Variants in DPYD observed in about 807,000 individuals in gnomAD.
DPYD encodes dihydropyrimidine dehydrogenase [NADP(+)].
Under a neutral mutation model 116.2 loss-of-function variants are expected in DPYD, and 109 were observed. That is an observed-to-expected ratio of 0.94 (90% CI 0.80 to 1.10). DPYD has a LOEUF of 1.10. Among genes scored for constraint, DPYD ranks in the 50% least tolerant of loss-of-function variants. DPYD has a pLI of 0.00. For missense variants in DPYD, 1,302 were observed against 1,254.5 expected, an observed-to-expected ratio of 1.04 and a Z score of -0.57; for synonymous variants, 440 against 432.0, an observed-to-expected ratio of 1.02 and a Z score of -0.23.
intron 3 of DPYD, among the ~76,000 whole-genome samples, chr1:97,757,633 C>T (rs1052660623): frequency 6.6e-6 from 1 of 152,052 alleles, no homozygotes; most frequent in South Asian, 2.1e-4. Context: ...GGTAATTTAC[C>T]TCCCATTACT....
At chr1:97,423,333 T>A (rs1674683068) in intron 14 of DPYD, among the ~76,000 whole-genome samples, 1 of 152,066 alleles carries the variant, frequency 6.6e-6, no homozygotes, top group Non-Finnish European at 1.5e-5. Context: ...TCTGTCTGGT[T>A]CATAGTCTGG....
chr1:97,227,178 A>G (rs1485169416), intron 19 of DPYD, among the ~76,000 whole-genome samples: 2 of 151,744 alleles, frequency 1.3e-5, no homozygotes, highest in Non-Finnish European at 2.9e-5. Flanking sequence ...TACAAAAATT[A>G]GCTGGATGTG....
intron 8 of DPYD, 119 bp from the exon 9 acceptor site, chr1:97,595,285 T>C: frequency 1.4e-6 from 1 of 726,832 alleles, no homozygotes; most frequent in South Asian, 1.6e-5. Context: ...GGAAAACATC[T>C]GTAAGCAAAT....
At chr1:97,409,558 T>G (rs939214656) in intron 14 of DPYD, among the ~76,000 whole-genome samples, 1 of 152,212 alleles carries the variant, frequency 6.6e-6, no homozygotes, top group East Asian at 1.9e-4. Flanking sequence ...CTTTAAAAAG[T>G]CAAGGACTTG....
At chr1:97,201,335 A>T (rs953560539) in intron 19 of DPYD, among the ~76,000 whole-genome samples, 1 of 152,172 alleles carries the variant, frequency 6.6e-6, no homozygotes, top group Non-Finnish European at 1.5e-5. Context: ...TGATTAAAAA[A>T]ATCAGATTTT....
intron 3 of DPYD, among the ~76,000 whole-genome samples, chr1:97,823,822 C>T (rs1027724730): frequency 7.5e-5 from 11 of 147,184 alleles, no homozygotes; most frequent in Admixed American, 6.8e-4. Flanking sequence ...TTTAAAAATG[C>T]ATGAAATTTC....
At chr1:97,914,480 T>G (rs973127855) in intron 1 of DPYD, among the ~76,000 whole-genome samples, 4 of 152,140 alleles carry the variant, frequency 2.6e-5, no homozygotes, top group African/African-American at 9.7e-5. Context: ...TCTATGAGAA[T>G]GCCAAAAAAT....
rs1441543493 is a variant in DPYD, at chr1:97,553,395, G to T, written c.1340-3651C>A. ...CAGAAAGGAATTCATTTATTTAGTT[G>T]CTCCTTATGAGGAAGACTATCATCC... is the stretch of plus-strand genomic sequence containing the variant. On this transcript the variant is annotated intron_variant, in intron 11 of 22. Transcript: ENST00000370192. Among the ~76,000 whole-genome samples the T allele has an allele frequency of 3.9e-5, 6 of 151,904 alleles. No homozygotes were observed. In the East Asian group the frequency reaches 1.2e-3, roughly 29 times the overall value.
intron 7 of DPYD, among the ~76,000 whole-genome samples, chr1:97,686,033 A>G (rs1361817739): frequency 6.6e-6 from 1 of 152,208 alleles, no homozygotes; most frequent in Non-Finnish European, 1.5e-5. Context: ...GACAATCCTA[A>G]GCCAAAAGAA....
intron 16 of DPYD, among the ~76,000 whole-genome samples, chr1:97,309,168 T>G (rs536091106): frequency 6.6e-6 from 1 of 151,802 alleles, no homozygotes; most frequent in Non-Finnish European, 1.5e-5. Flanking sequence ...TGTGAAAAAG[T>G]GATGGATAAT....
At chr1:97,387,080 A>G (rs1672390191) in intron 14 of DPYD, among the ~76,000 whole-genome samples, 1 of 152,152 alleles carries the variant, frequency 6.6e-6, no homozygotes. Flanking sequence ...ATTTTTCTAT[A>G]TCAATATTTC....
chr1:97,698,146 T>C (rs915018466), intron 6 of DPYD, among the ~76,000 whole-genome samples: 1 of 151,910 alleles, frequency 6.6e-6, no homozygotes, highest in Middle Eastern at 3.2e-3. Context: ...GAATTCATAG[T>C]AGTGGAACAT....
chr1:97,750,319 T>G (rs1422381310), intron 3 of DPYD, among the ~76,000 whole-genome samples: 1 of 152,068 alleles, frequency 6.6e-6, no homozygotes, highest in African/African-American at 2.4e-5. Flanking sequence ...GGAACTCAAA[T>G]TGTTAAATCC....
chr1:97,447,109 T>C (rs1676130967), intron 14 of DPYD, among the ~76,000 whole-genome samples: 1 of 152,198 alleles, frequency 6.6e-6, no homozygotes, highest in Non-Finnish European at 1.5e-5. Context: ...CATGGTCAAC[T>C]GGTGCTCACC....
intron 2 of DPYD, among the ~76,000 whole-genome samples, chr1:97,845,046 G>T (rs370384626): frequency 1.3e-5 from 2 of 152,194 alleles, no homozygotes; most frequent in African/African-American, 4.8e-5. Context: ...GTGCTGAGGG[G>T]TGCTCAGCAT....
At chr1:97,226,233 T>C (rs928347970) in intron 19 of DPYD, among the ~76,000 whole-genome samples, 6 of 152,112 alleles carry the variant, frequency 3.9e-5, no homozygotes, top group Non-Finnish European at 7.4e-5. Flanking sequence ...ACAGGGAATG[T>C]ACTTCAGTAC....
intron 14 of DPYD, among the ~76,000 whole-genome samples, chr1:97,403,707 G>T (rs1009481720): frequency 3.3e-5 from 5 of 151,858 alleles, no homozygotes; most frequent in Admixed American, 6.6e-5. Flanking sequence ...TTATTCATTA[G>T]CCTGGCTAGA....
intron 19 of DPYD, among the ~76,000 whole-genome samples, chr1:97,228,059 T>A (rs1661315611): frequency 6.6e-6 from 1 of 151,706 alleles, no homozygotes; most frequent in Non-Finnish European, 1.5e-5. Context: ...ATGTTAAATA[T>A]AATACACTTA....
chr1:97,177,911 T>C (rs1018291963), intron 20 of DPYD, among the ~76,000 whole-genome samples: 1 of 152,120 alleles, frequency 6.6e-6, no homozygotes, highest in Admixed American at 6.6e-5. Context: ...GGGGGCGGCC[T>C]GCTTCCATAC....
Sources: allele counts gnomAD v4.1 joint callset (sites outside exome capture counted in the v4.1 genomes callset), GRCh38; gene constraint gnomAD v4.1.1; transcripts MANE v1.5; gene names NCBI Gene and HGNC (gene_info 2026-07-23, HGNC 2026-07-21).